Variants in RAB11FIP3 observed in about 807,000 individuals in gnomAD.
RAB11FIP3 encodes RAB11 family interacting protein 3.
In RAB11FIP3, 17 loss-of-function variants were observed where a neutral mutation model predicts 77.8. The ratio of observed to expected loss-of-function variants is 0.22; its 90% confidence interval spans 0.15 to 0.33. The LOEUF (loss-of-function observed/expected upper bound fraction) is 0.33. RAB11FIP3 is among the 10% of genes least tolerant of loss of function. RAB11FIP3 has a pLI of 1.00. For missense variants in RAB11FIP3, 1,005 were observed against 1,011.2 expected (o/e 0.99, Z 0.08); for synonymous variants, 437 against 448.2 (o/e 0.98, Z 0.31).
chr16:459,372 T>C (rs933788298), intron 1 of RAB11FIP3, among the ~76,000 whole-genome samples: 5 of 151,486 alleles, frequency 3.3e-5, no homozygotes, highest in African/African-American at 1.2e-4. Flanking sequence ...GTGATCCGCC[T>C]GCTTCAGCCT....
intron 1 of RAB11FIP3, among the ~76,000 whole-genome samples, chr16:443,575 G>T (rs1325451369): frequency 6.7e-6 from 1 of 150,308 alleles, no homozygotes; most frequent in East Asian, 1.9e-4. Flanking sequence ...GGTGGTGGTT[G>T]TTGTTGTTGA....
At chr16:427,695 C>T (rs888731684) in intron 1 of RAB11FIP3, among the ~76,000 whole-genome samples, 1 of 152,182 alleles carries the variant, frequency 6.6e-6, no homozygotes, top group South Asian at 2.1e-4. Context: ...CTCACACATG[C>T]AGACATCTGG....
chr16:488,752 T>C lies in RAB11FIP3; in HGVS notation c.1116-99T>C, dbSNP rs1596264564. ...AAACGTGGCTCCCAGGACTCACGTG[T>C]GGCTTGTAGCACACCCTATGGAAAG... On this transcript the variant is annotated intron_variant, in intron 4 of 13. Coordinates refer to ENST00000262305, the MANE Select transcript of RAB11FIP3 (RefSeq NM_014700.4). The C allele has an allele frequency of 3.3e-6, 4 of 1,226,556 alleles. 1 individual carries two copies. The highest frequency in any genetic ancestry group is 3.4e-5 in the South Asian group (2 of 58,038). The allele number at this position is 1,226,556 out of a possible 1,614,324, so 76.0% of individuals were successfully genotyped here. A position where few individuals can be genotyped will look rare whatever the true frequency, so the allele number is the denominator to read the frequency against.
chr16:439,660 A>G (rs1376600781), intron 1 of RAB11FIP3, among the ~76,000 whole-genome samples: 1 of 152,174 alleles, frequency 6.6e-6, no homozygotes, highest in Non-Finnish European at 1.5e-5. Flanking sequence ...TCCTGATGAC[A>G]TGTGCCCAAG....
At chr16:466,155 T>A (rs899384199) in intron 2 of RAB11FIP3, among the ~76,000 whole-genome samples, 7 of 152,170 alleles carry the variant, frequency 4.6e-5, no homozygotes, top group Non-Finnish European at 1.0e-4. Context: ...CAGAGCGTGT[T>A]CCTGGGCCTG....
intron 4 of RAB11FIP3, among the ~76,000 whole-genome samples, chr16:487,673 G>T (rs1004874501): frequency 6.6e-6 from 1 of 152,046 alleles, no homozygotes; most frequent in Admixed American, 6.6e-5. Flanking sequence ...AGGTTCTCCC[G>T]AGGACTCCTG....
In RAB11FIP3 at chr16:506,407, T is replaced by C. The variant is rs114112756; in HGVS notation, c.1499+780T>C. The stretch of plus-strand genomic sequence containing the variant: ...GGAGGCCTATGAGGCACCTGTGGGA[T>C]CTGCAGAAGAGGTTCTTCCTGTGAG... On this transcript the variant is annotated intron_variant, in intron 8 of 13. Coordinates refer to ENST00000262305, the MANE Select transcript of RAB11FIP3 (RefSeq NM_014700.4). This position sits in a 1 kb window ranked among gnomAD's most constrained non-coding sequence, Gnocchi z 4.5. Among the ~76,000 whole-genome samples the C allele has an allele frequency of 0.014, 2,095 of 152,226 alleles. 45 individuals are homozygous for C. The highest frequency in any genetic ancestry group is 0.047 in the African/African-American group (1,959 of 41,528).
chr16:458,715 T>C (rs115808445), intron 1 of RAB11FIP3, among the ~76,000 whole-genome samples: 1 of 151,314 alleles, frequency 6.6e-6, no homozygotes, highest in Non-Finnish European at 1.5e-5. Context: ...TCCCTGTCCC[T>C]GAGCATTTTC....
chr16:426,547 C>A lies in RAB11FIP3; in HGVS notation c.541C>A (p.Pro181Thr). The change falls in exon 1 of 14, where the codon CCG becomes ACG. Residue 181 changes from proline to threonine, a missense_variant. Physicochemically the swap from Pro to Thr is conservative, Grantham distance 38 (BLOSUM62 -1). Around this residue, in one of 4 missense-constraint regions of RAB11FIP3, gnomAD observed 466 missense variants for 408.3 expected, o/e 1.14. Transcript: ENST00000262305. This position sits in a 1 kb window ranked among gnomAD's most constrained non-coding sequence, Gnocchi z 5.0. ...GGCGCTGGAGCAAGGTCCCGGGTCC[C>A]CGCCGCAGCCCTCGGACCTCAGCCA... ...ELALEQGPGS[P>T]PQPSDLSQTH... 6.3e-7 allele frequency: 1 copy of A among 1,578,034 alleles called. No individual in the cohort carries two copies. Among genetic ancestry groups the A allele is most frequent in the Non-Finnish European group, 8.6e-7 (1 of 1,164,322 alleles).
chr16:458,326 G>A (rs1270357428), intron 1 of RAB11FIP3, among the ~76,000 whole-genome samples: 4 of 152,068 alleles, frequency 2.6e-5, no homozygotes, highest in African/African-American at 9.6e-5. Context: ...CTCCAGCAGG[G>A]CTGCCCTTGA....
intron 2 of RAB11FIP3, among the ~76,000 whole-genome samples, chr16:465,131 C>T (rs2055680095): frequency 6.6e-6 from 1 of 152,130 alleles, no homozygotes; most frequent in South Asian, 2.1e-4. Context: ...AGAAAAGCCG[C>T]TCATGAAGCT....
Position 426,163 on chromosome 16 carries a change from C to T in RAB11FIP3, c.157C>T (p.Pro53Ser). ...APVGGPDPQS[P>S]GLDEPAPGAA... ...CGTCGGCGGCCCCGACCCGCAGTCC[C>T]CGGGCCTGGATGAGCCTGCGCCCGG... Residue 53 changes from proline to serine, a missense_variant, in exon 1 of 14, where the codon CCG (proline) becomes TCG (serine). Pro to Ser is a moderately conservative substitution (Grantham distance 74). Coordinates refer to ENST00000262305, the MANE Select transcript of RAB11FIP3 (RefSeq NM_014700.4). This position sits in a 1 kb window ranked among gnomAD's most constrained non-coding sequence, Gnocchi z 5.0. 9.8e-7 allele frequency: 1 copy of T among 1,015,738 alleles called. No individual in the cohort carries two copies. The highest frequency in any genetic ancestry group is 4.5e-5 in the South Asian group (1 of 22,402). 62.9% of individuals were successfully genotyped at this position (1,015,738 alleles called of 1,614,324 possible).
intron 9 of RAB11FIP3, among the ~76,000 whole-genome samples, chr16:512,239 G>C (rs1214220261): frequency 7.5e-6 from 1 of 133,394 alleles, no homozygotes; most frequent in Non-Finnish European, 1.6e-5. Context: ...TTTTTTTTTT[G>C]GGTGGGGGTG....
At chr16:463,430 G>GTTTTTT (rs142875972) in intron 2 of RAB11FIP3, among the ~76,000 whole-genome samples, 4 of 82,258 alleles carry the variant, frequency 4.9e-5, no homozygotes, top group Admixed American at 1.6e-4. Context: ...TTGTTCCCCG[G>GTTTTTT]TTTTTTTTTT....
At chr16:489,396 T>G (rs867879931) in intron 5 of RAB11FIP3, among the ~76,000 whole-genome samples, 2 of 152,194 alleles carry the variant, frequency 1.3e-5, no homozygotes, top group African/African-American at 2.4e-5. Flanking sequence ...ATCCCCAAAC[T>G]GGAAAGCTGT....
chr16:462,674 C>G lies in RAB11FIP3; in HGVS notation c.808+1177C>G, dbSNP rs375423066. On this transcript the variant is annotated intron_variant, in intron 2 of 13. Transcript: ENST00000262305. ...TCCCTTCCGCAGCACCGTCCCTTCC[C>G]CGGCACCGTCCCTTCCCCAGTCCCC... 8.2e-3 allele frequency among the ~76,000 whole-genome samples: 580 copies of G among 70,706 alleles called. 2 individuals are homozygous for G. Among genetic ancestry groups the G allele is most frequent in the African/African-American group, 0.032 (540 of 17,130 alleles). The allele number at this position is 70,706 out of a possible 152,430, so 46.4% of individuals were successfully genotyped here.
intron 6 of RAB11FIP3, chr16:502,783 C>T (rs541858585): frequency 1.1e-4 from 61 of 572,298 alleles, no homozygotes; most frequent in South Asian, 4.2e-4. Context: ...CCACAGAGCA[C>T]GGCCTGCTTT....
Position 426,261 on chromosome 16 carries a change from C to T in RAB11FIP3, c.255C>T (p.Pro85=). ...APGLEGGPRD[P]GPSAPPPRSG... ...GGCTGGAGGGAGGCCCGCGAGACCC[C>T]GGGCCGTCCGCCCCGCCGCCGCGCT... is the stretch of plus-strand genomic sequence containing the variant. The change falls in exon 1 of 14, where the codon CCC becomes CCT. Residue 85 remains proline, a synonymous_variant. Coordinates refer to ENST00000262305, the MANE Select transcript of RAB11FIP3 (RefSeq NM_014700.4). This position sits in a 1 kb window ranked among gnomAD's most constrained non-coding sequence, Gnocchi z 5.0. 2 of 1,172,338 alleles carry T rather than the reference C, an allele frequency of 1.7e-6. No individual in the cohort carries two copies. Among genetic ancestry groups the T allele is most frequent in the Non-Finnish European group, 2.1e-6 (2 of 951,662 alleles). The allele number at this position is 1,172,338 out of a possible 1,614,324, so 72.6% of individuals were successfully genotyped here.
chr16:454,167 G>A (rs565178364), intron 1 of RAB11FIP3, among the ~76,000 whole-genome samples: 1 of 152,102 alleles, frequency 6.6e-6, no homozygotes, highest in Non-Finnish European at 1.5e-5. Context: ...AAAAGCAAAG[G>A]CCTCCCCTCA....
Sources: allele counts gnomAD v4.1 joint callset (sites outside exome capture counted in the v4.1 genomes callset), GRCh38; gene constraint gnomAD v4.1.1; regional missense constraint gnomAD v4.1.1; non-coding constraint Gnocchi (gnomAD v3.1); transcripts MANE v1.5; gene names NCBI Gene and HGNC (gene_info 2026-07-23, HGNC 2026-07-21).